SRGAP3: variants seen among roughly 807,000 people sequenced by gnomAD.
The protein encoded by SRGAP3 is SLIT-ROBO Rho GTPase activating protein 3.
In SRGAP3, 39 loss-of-function variants were observed where a neutral mutation model predicts 121.1. The ratio of observed to expected loss-of-function variants is 0.32; its 90% confidence interval spans 0.25 to 0.42. The LOEUF is 0.42. Among genes scored for constraint, SRGAP3 ranks in the 10% least tolerant of loss-of-function variants. The probability of loss-of-function intolerance (pLI) is 1.00; values close to 1 mark genes in which losing one functional copy is unlikely to be tolerated. For synonymous variants in SRGAP3, 601 were observed against 570.0 expected (o/e 1.05, Z -0.77); for missense variants, 1,213 against 1,470.6 (o/e 0.82, Z 2.86).
chr3:9,124,826 G>A lies in SRGAP3; in HGVS notation c.159C>T (p.Phe53=). Residue 53 remains phenylalanine (F), a synonymous_variant, in exon 2 of 22, where the codon TTC becomes TTT. Coordinates refer to ENST00000383836, the MANE Select transcript of SRGAP3 (RefSeq NM_014850.4). ...CGAGCTCAATCTCAGCTTTCCGGCG[G>A]AAAAACTCCTGGAGGTCTTGAAGCA... ...LQLLQDLQEF[F]RRKAEIELEY... The A allele has an allele frequency of 6.2e-7, 1 of 1,614,216 alleles. No individual in the cohort carries two copies. Among genetic ancestry groups the A allele is most frequent in the Non-Finnish European group, 8.5e-7 (1 of 1,180,042 alleles).
intron 2 of SRGAP3, among the ~76,000 whole-genome samples, chr3:9,112,969 C>T (rs1267501102): frequency 2.0e-5 from 3 of 152,216 alleles, no homozygotes; most frequent in Non-Finnish European, 1.5e-5. Context: ...TTTAACACAG[C>T]ACAGTGATAA....
At chr3:9,079,352 C>T (rs1244895769) in intron 4 of SRGAP3, among the ~76,000 whole-genome samples, 1 of 152,182 alleles carries the variant, frequency 6.6e-6, no homozygotes, top group Non-Finnish European at 1.5e-5. Flanking sequence ...CCGTAGGCTC[C>T]TCAAAGCACA....
intron 3 of SRGAP3, among the ~76,000 whole-genome samples, chr3:9,086,126 T>C (rs1947460329): frequency 6.6e-6 from 1 of 152,234 alleles, no homozygotes; most frequent in Admixed American, 6.5e-5. Context: ...TAAATTCAGA[T>C]GTCCCAGGGT....
intron 10 of SRGAP3, among the ~76,000 whole-genome samples, chr3:9,046,261 C>G (rs1945272181): frequency 6.6e-6 from 1 of 152,226 alleles, no homozygotes; most frequent in African/African-American, 2.4e-5. Flanking sequence ...TCTGCAGTGA[C>G]AGAAATCAGA....
At chr3:8,992,867 T>C in intron 20 of SRGAP3, 39 bp downstream of exon 20, 2 of 1,614,002 alleles carry the variant, frequency 1.2e-6, no homozygotes, top group Non-Finnish European at 1.7e-6. Flanking sequence ...ATGAACAGGA[T>C]TGACACCAGC....
At chr3:9,160,411 G>T (rs1950567747) in intron 1 of SRGAP3, among the ~76,000 whole-genome samples, 1 of 152,210 alleles carries the variant, frequency 6.6e-6, no homozygotes, top group Non-Finnish European at 1.5e-5. Flanking sequence ...CAACCTGGAA[G>T]CCAGCTGCCA....
At chr3:9,269,723 T>A (rs760091762) in intron 3 of SRGAP3, among the ~76,000 whole-genome samples, 1 of 152,178 alleles carries the variant, frequency 6.6e-6, no homozygotes. Flanking sequence ...AAAAGGCCAA[T>A]CAGGCCATAT....
chr3:9,025,431 T>C lies in SRGAP3; in HGVS notation c.1601-93A>G, dbSNP rs190397445. 5 of 1,323,650 alleles carry C rather than the reference T, an allele frequency of 3.8e-6. No individual in the cohort carries two copies. In the African/African-American group the frequency reaches 4.3e-5, roughly 11 times the overall value. 82.0% of individuals were successfully genotyped at this position (1,323,650 alleles called of 1,614,324 possible). On this transcript the variant is annotated intron_variant, in intron 13 of 21. Coordinates refer to ENST00000383836, the MANE Select transcript of SRGAP3 (RefSeq NM_014850.4). ...GAATATCAGTGACTCTCCCCATTGC[T>C]TGTCTCTTTCTCCCCCGATCCTTTA...
intron 1 of SRGAP3, among the ~76,000 whole-genome samples, chr3:9,190,607 T>C (rs1951723287): frequency 6.6e-6 from 1 of 152,160 alleles, no homozygotes; most frequent in Non-Finnish European, 1.5e-5. Context: ...CTACCTGGGG[T>C]TACTCAACAA....
At chr3:9,241,799 C>A (rs1953648528) in intron 1 of SRGAP3, among the ~76,000 whole-genome samples, 1 of 152,052 alleles carries the variant, frequency 6.6e-6, no homozygotes, top group Non-Finnish European at 1.5e-5. Context: ...GAAAGCCAAC[C>A]AGGCAAAGTG....
intron 3 of SRGAP3, among the ~76,000 whole-genome samples, chr3:9,299,801 T>C (rs1955019163): frequency 6.6e-6 from 1 of 152,024 alleles, no homozygotes. Flanking sequence ...TCCCTGCTAC[T>C]CAGGAGGCTG....
At chr3:9,294,295 T>C (rs1377396678) in intron 3 of SRGAP3, among the ~76,000 whole-genome samples, 1 of 152,168 alleles carries the variant, frequency 6.6e-6, no homozygotes, top group Non-Finnish European at 1.5e-5. Context: ...TACTGCATGT[T>C]CTCACTTACA....
chr3:9,287,591 G>T (rs1954797042), intron 3 of SRGAP3, among the ~76,000 whole-genome samples: 1 of 152,200 alleles, frequency 6.6e-6, no homozygotes, highest in African/African-American at 2.4e-5. Flanking sequence ...ATAATAGGCA[G>T]TGGAGCCTAT....
chr3:9,042,252 A>T (rs1432887845), intron 10 of SRGAP3, among the ~76,000 whole-genome samples: 1 of 152,150 alleles, frequency 6.6e-6, no homozygotes, highest in Non-Finnish European at 1.5e-5. Context: ...GTATGTGTGT[A>T]CTAACTCTTC....
chr3:9,302,283 CG>C (rs1421406512), intron 3 of SRGAP3, among the ~76,000 whole-genome samples: 1 of 152,164 alleles, frequency 6.6e-6, no homozygotes, highest in Non-Finnish European at 1.5e-5. Flanking sequence ...CAGCTAGAGA[CG>C]AATGAGAAAC....
intron 4 of SRGAP3, among the ~76,000 whole-genome samples, chr3:9,078,139 T>C (rs547281280): frequency 4.7e-4 from 71 of 152,158 alleles, no homozygotes; most frequent in Non-Finnish European, 8.8e-5. Flanking sequence ...CAGGTAGGTA[T>C]AGACAGCAGG....
At chr3:9,149,704 C>T (rs1950147935) in intron 1 of SRGAP3, among the ~76,000 whole-genome samples, 1 of 152,208 alleles carries the variant, frequency 6.6e-6, no homozygotes, top group Non-Finnish European at 1.5e-5. Flanking sequence ...AACAGCCAAC[C>T]TCAGACATGC....
intron 10 of SRGAP3, among the ~76,000 whole-genome samples, chr3:9,039,514 C>A (rs1238886962): frequency 6.6e-6 from 1 of 152,124 alleles, no homozygotes; most frequent in Admixed American, 6.5e-5. Flanking sequence ...ATAAAATTTA[C>A]CCATTTGGAG....
At chr3:9,312,656 C>T (rs1224259933) in intron 3 of SRGAP3, among the ~76,000 whole-genome samples, 3 of 152,142 alleles carry the variant, frequency 2.0e-5, no homozygotes, top group Non-Finnish European at 2.9e-5. Context: ...GGTTATTTAA[C>T]AGTCCATCCT....
Sources: gnomAD v4.1 joint callset for allele counts (sites outside exome capture counted in the v4.1 genomes callset) on GRCh38, gnomAD v4.1.1 for gene constraint, MANE v1.5 for transcripts, NCBI Gene and HGNC (gene_info 2026-07-23, HGNC 2026-07-21) for gene names.